The following CEP72 variants were observed in gnomAD, a reference collection of about 807,000 sequenced individuals.
CEP72 encodes centrosomal protein 72.
A neutral mutation model predicts 65.7 loss-of-function variants in CEP72; 78 were observed. The observed-to-expected ratio is 1.19, with a 90% CI of 0.99 to 1.43. The LOEUF (loss-of-function observed/expected upper bound fraction) is 1.43, where lower values mean the gene tolerates loss of function less well. Ranked by LOEUF, CEP72 falls within the 40% of genes most tolerant of loss-of-function variation. The pLI is 0.00. For missense variants in CEP72, 914 were observed against 832.9 expected (o/e 1.10, Z -1.20); for synonymous variants, 358 against 351.7 (o/e 1.02, Z -0.20).
chr5:633,904 C>T lies in CEP72; in HGVS notation c.648C>T (p.Ser216=), dbSNP rs770458864. The T allele has an allele frequency of 1.1e-5, 18 of 1,613,078 alleles. 1 individual carries two copies. The South Asian group carries it at 1.2e-4, about 11-fold the overall frequency. The change falls in exon 5 of 12, where the codon AGC becomes AGT. Residue 216 remains serine, a synonymous_variant. Coordinates refer to ENST00000264935, the MANE Select transcript of CEP72 (RefSeq NM_018140.4). Reference sequence around the variant, plus strand: ...TCGGCAGGCCTCCCGGGAGCACGAGCTTCAGCCAGAAGGGGCGTGAGGCCG... The same window carrying T: ...TCGGCAGGCCTCCCGGGAGCACGAGTTTCAGCCAGAAGGGGCGTGAGGCCG... The part of the protein sequence containing the change: ...WDLGRPPGST[S]FSQKGREADS...
At chr5:637,424 A>C (rs956113116) in intron 6 of CEP72, 93 bp from the exon 7 acceptor site, 7 of 1,106,940 alleles carry the variant, frequency 6.3e-6, no homozygotes, top group Non-Finnish European at 9.3e-6. Flanking sequence ...GTGTATATAC[A>C]TGGGCACACA....
Position 648,483 on chromosome 5 carries a change from A to G in CEP72, c.1778+567A>G, listed in dbSNP as rs62639482. Among the ~76,000 whole-genome samples, 466 of 74,132 alleles carry G rather than the reference A, an allele frequency of 6.3e-3. 3 individuals carry two copies. Among genetic ancestry groups the G allele is most frequent in the Middle Eastern group, 0.017 (2 of 118 alleles). The allele number at this position is 74,132 out of a possible 152,430, so 48.6% of individuals were successfully genotyped here. A position where few individuals can be genotyped will look rare whatever the true frequency, so the allele number is the denominator to read the frequency against. ...TGACTGTGAGGTGTGACTGTGAGGT[A>G]TGACTGTGAGGTGTGACTGTGAGGT... On this transcript the variant is annotated intron_variant, in intron 11 of 11. Coordinates refer to ENST00000264935, the MANE Select transcript of CEP72 (RefSeq NM_018140.4).
Position 633,848 on chromosome 5 carries a change from C to T in CEP72, c.592C>T (p.Leu198=). ...LVMDADDEAV[L]NLIAECEWDL... ...CATGGATGCGGATGACGAGGCAGTC[C>T]TGAACCTCATTGCAGAGTGCGAGTG... The change falls in exon 5 of 12, where the codon CTG becomes TTG. Residue 198 remains leucine (L), a synonymous_variant. Transcript: ENST00000264935. 6.2e-7 allele frequency: 1 copy of T among 1,614,016 alleles called. No individual in the cohort carries two copies. Among genetic ancestry groups the T allele is most frequent in the South Asian group, 1.1e-5 (1 of 91,088 alleles).
At chr5:628,555 C>A (rs78461936) in intron 4 of CEP72, among the ~76,000 whole-genome samples, 2 of 87,414 alleles carry the variant, frequency 2.3e-5, no homozygotes, top group Non-Finnish European at 4.3e-5. Flanking sequence ...AGGTTGCAGT[C>A]CCCGGGGAGT....
chr5:659,665 G>A (rs776080892), downstream of CEP72, among the ~76,000 whole-genome samples: 58 of 152,188 alleles, frequency 3.8e-4, no homozygotes, highest in South Asian at 2.1e-4. Flanking sequence ...TGGCTGGTCC[G>A]CCTGCTCCTC....
rs1233551888 is a variant in CEP72 at position 623,150 on chromosome 5, C to T, written c.404-1321C>T. Reference sequence around the variant, plus strand: ...AGTTTCTGCAGAGAAGGAGCGCAGCCGTCTCCCTCTTAGTGTTTCTGCAGA... The same window carrying T: ...AGTTTCTGCAGAGAAGGAGCGCAGCTGTCTCCCTCTTAGTGTTTCTGCAGA... On this transcript the variant is annotated intron_variant, in intron 3 of 11. Coordinates refer to ENST00000264935, the MANE Select transcript of CEP72 (RefSeq NM_018140.4). This position sits in a 1 kb window ranked among gnomAD's most constrained non-coding sequence, Gnocchi z 5.3. 6.6e-6 allele frequency among the ~76,000 whole-genome samples: 1 copy of T among 151,744 alleles called. No individual in the cohort carries two copies.
rs144699463 is a variant in CEP72 at position 640,576 on chromosome 5, C to T, written c.1511C>T (p.Ala504Val). 1.1e-5 allele frequency: 17 copies of T among 1,613,164 alleles called. No individual in the cohort carries two copies. The African/African-American group carries it at 1.1e-4, about 10-fold the overall frequency. The change falls in exon 9 of 12, where the codon GCG (alanine) becomes GTG (valine). Residue 504 changes from alanine (A) to valine (V), a missense_variant. Coordinates refer to ENST00000264935, the MANE Select transcript of CEP72 (RefSeq NM_018140.4). ...GCCCGGGAGATGAGCGAGGTGACGG[C>T]GGAGCTGCACCACACACACAAGGAG... ...QHAREMSEVT[A>V]ELHHTHKELD... is the part of the protein sequence containing the mutation.
rs781709997 is a variant in CEP72, at chr5:639,106, C to G, written c.1224C>G (p.His408Gln). The stretch of plus-strand genomic sequence containing the variant: ...CATCACAGCCGTCTCCCGGGTCACA[C>G]TCGGCTCTACCCGGGAAGAAGACGG... The part of the protein sequence containing the change: ...TDTREPSPGS[H>Q]SALPGKKTAL... Residue 408 changes from histidine to glutamine, a missense_variant, in exon 8 of 12, where the codon CAC becomes CAG. His to Gln is a conservative substitution (Grantham distance 24, BLOSUM62 0). Coordinates refer to ENST00000264935, the MANE Select transcript of CEP72 (RefSeq NM_018140.4). 3 of 1,613,420 alleles carry G rather than the reference C, an allele frequency of 1.9e-6. No individual in the cohort carries two copies. The South Asian group carries it at 3.3e-5, about 18-fold the overall frequency.
chr5:658,645 ATTTTTTTTTTTTTTTTTTTTTTTTTTTTT>A (rs70955278), downstream of CEP72, among the ~76,000 whole-genome samples: 1 of 55,946 alleles, frequency 1.8e-5, no homozygotes, highest in East Asian at 8.9e-4. Flanking sequence ...AGCAAAGCTG[ATTTTTTTTTTTTTTTTTTTTTTTTTTTTT>A]TTTTTTTTTT....
At chr5:641,698 C>G in intron 9 of CEP72, 5 of 984,986 alleles carry the variant, frequency 5.1e-6, no homozygotes, top group Non-Finnish European at 6.0e-6. Flanking sequence ...CCCCATCCCC[C>G]GTCCAGAAGT....
chr5:671,071 T>G (rs537621078), downstream of CEP72, among the ~76,000 whole-genome samples: 1 of 152,194 alleles, frequency 6.6e-6, no homozygotes, highest in Non-Finnish European at 1.5e-5. Context: ...ACACCCACCA[T>G]GAAGCCCCCA....
intron 4 of CEP72, 39 bp from the exon 5 acceptor site, chr5:633,730 T>C (rs753313082): frequency 1.2e-6 from 2 of 1,601,104 alleles, no homozygotes; most frequent in Non-Finnish European, 1.7e-6. Flanking sequence ...AGCATATGGC[T>C]GGCTTGAGTG....
At chr5:657,555 TG>T (rs1320130633), downstream of CEP72, among the ~76,000 whole-genome samples, 5 of 152,254 alleles carry the variant, frequency 3.3e-5, no homozygotes, top group Non-Finnish European at 7.3e-5. Flanking sequence ...GAACTTTCTT[TG>T]TCAGGAGGTT....
downstream of CEP72, among the ~76,000 whole-genome samples, chr5:668,588 G>GT: frequency 6.6e-6 from 1 of 152,268 alleles, no homozygotes; most frequent in Non-Finnish European, 1.5e-5. Context: ...AGGCCGCGGG[G>GT]TGGGGGCCTC....
chr5:651,804 T>C (rs1031244014), intron 11 of CEP72, among the ~76,000 whole-genome samples: 6 of 151,826 alleles, frequency 4.0e-5, no homozygotes, highest in African/African-American at 1.5e-4. Flanking sequence ...TGGTCTGTGG[T>C]CAGTTCCTCC....
Position 647,916 on chromosome 5 carries a change from G to A in CEP72, c.1778G>A (p.Ser593Asn). ...ACGCAGATGCTGCAGGAGAGCCACA[G>A]GTGCCTGCCCGTGAGACTTGGGTGG... ...ELTQMLQESH[S>N]SLVSTNEHLL... The change falls in exon 11 of 12, where the codon AGC becomes AAC. Residue 593 changes from serine to asparagine, a missense_variant and splice_region_variant. By Grantham distance (46) the Ser-to-Asn change is conservative. Transcript: ENST00000264935. The A allele has an allele frequency of 6.2e-7, 1 of 1,607,632 alleles. No homozygotes were observed. The highest frequency in any genetic ancestry group is 1.1e-5 in the South Asian group (1 of 90,500).
At chr5:663,454 C>T (rs1430937836) in exon 2 of CEP72, 2 of 152,436 alleles carry the variant, frequency 1.3e-5, no homozygotes, top group Admixed American at 1.3e-4. Context: ...AGCTGCCTGC[C>T]AGGTCCTCCC....
intron 1 of CEP72, among the ~76,000 whole-genome samples, chr5:613,392 A>C (rs757861645): frequency 6.6e-6 from 1 of 151,568 alleles, no homozygotes; most frequent in Non-Finnish European, 1.5e-5. Context: ...TTTTTTTTAG[A>C]CGGAGTCTCA....
intron 4 of CEP72, among the ~76,000 whole-genome samples, chr5:625,233 G>C (rs1001366508): frequency 2.0e-5 from 3 of 152,212 alleles, no homozygotes; most frequent in African/African-American, 7.2e-5. Context: ...TTGATTCAAG[G>C]GGCAGAAATC....
Sources: allele counts gnomAD v4.1 joint callset (sites outside exome capture counted in the v4.1 genomes callset), GRCh38; gene constraint gnomAD v4.1.1; non-coding constraint Gnocchi (gnomAD v3.1); transcripts MANE v1.5; gene names NCBI Gene and HGNC (gene_info 2026-07-23, HGNC 2026-07-21).